The following AAK1 variants were observed in gnomAD, a reference collection of about 807,000 sequenced individuals.
AAK1 encodes AP2 associated kinase 1.
AAK1 carries 37 observed loss-of-function variants against 116.0 expected under a neutral mutation model. That is an observed-to-expected ratio of 0.32 (90% CI 0.25 to 0.42). The LOEUF is 0.42. AAK1 is among the 10% of genes least tolerant of loss of function. AAK1 has a pLI of 1.00. For synonymous variants in AAK1, 458 were observed against 439.9 expected, an observed-to-expected ratio of 1.04 and a Z score of -0.51; for missense variants, 919 against 1,170.6, an observed-to-expected ratio of 0.79 and a Z score of 3.14.
intron 16 of AAK1, chr2:69,500,199 T>C (rs1675915320): frequency 6.6e-6 from 1 of 152,228 alleles, no homozygotes; most frequent in African/African-American, 2.4e-5. Flanking sequence ...AATGATGTCA[T>C]CTTGCCCTTT....
intron 16 of AAK1, among the ~76,000 whole-genome samples, chr2:69,497,856 C>T (rs1198757930): frequency 6.6e-6 from 1 of 152,146 alleles, no homozygotes; most frequent in Non-Finnish European, 1.5e-5. Flanking sequence ...TCACCGACTC[C>T]AGCACAGTAC....
rs760065253 is a variant in AAK1 at position 69,527,265 on chromosome 2, T to C, written c.926A>G (p.Tyr309Cys). The C allele has an allele frequency of 6.2e-7, 1 of 1,610,438 alleles. No individual in the cohort carries two copies. Among genetic ancestry groups the C allele is most frequent in the South Asian group, 1.1e-5 (1 of 90,108 alleles). Residue 309 changes from tyrosine (Y) to cysteine (C), a missense_variant, in exon 9 of 22, where the codon TAC (tyrosine) becomes TGC (cysteine). Physicochemically the swap from Tyr to Cys is radical, Grantham distance 194. Transcript: ENST00000409085. ...TTTCTTGAGTAGCTTAAATGAGAAG[T>C]AGGACACCTGGTAAATATCCGGCCT... ...DKRPDIYQVS[Y>C]FSFKLLKKEC...
chr2:69,589,527 G>A lies in AAK1; in HGVS notation c.164-32549C>T, dbSNP rs531338453. Among the ~76,000 whole-genome samples, 245 of 152,166 alleles carry A rather than the reference G, an allele frequency of 1.6e-3. 8 individuals are homozygous for A. The South Asian group carries it at 0.049, about 30-fold the overall frequency. ...AGTTCGAGACCAGCCTGACCAATAT[G>A]ATGAAACCCTGTCTCTATTAAAAAT... On this transcript the variant is annotated intron_variant, in intron 2 of 21. Transcript: ENST00000409085.
At chr2:69,494,754 T>C (rs1012461312) in intron 17 of AAK1, among the ~76,000 whole-genome samples, 7 of 152,232 alleles carry the variant, frequency 4.6e-5, no homozygotes, top group Non-Finnish European at 7.3e-5. Flanking sequence ...CTACCCTGTA[T>C]TGAATCATTC....
At chr2:69,635,166 T>C (rs957254027) in intron 2 of AAK1, among the ~76,000 whole-genome samples, 7 of 152,156 alleles carry the variant, frequency 4.6e-5, no homozygotes, top group Non-Finnish European at 5.9e-5. Flanking sequence ...CCAAAGAAGA[T>C]ATACAAATAG....
chr2:69,481,630 C>G (rs1675090342), intron 18 of AAK1: 1 of 152,206 alleles, frequency 6.6e-6, no homozygotes. Flanking sequence ...TGATTGGACC[C>G]TCCTGGAGTA....
intron 5 of AAK1, among the ~76,000 whole-genome samples, chr2:69,534,686 C>T (rs1440521170): frequency 6.6e-6 from 1 of 152,238 alleles, no homozygotes; most frequent in Non-Finnish European, 1.5e-5. Context: ...CTGCCAAAGG[C>T]CTTCAGGCCA....
chr2:69,553,880 A>G (rs1671286159), intron 3 of AAK1, among the ~76,000 whole-genome samples: 1 of 151,680 alleles, frequency 6.6e-6, no homozygotes, highest in African/African-American at 2.4e-5. Context: ...GTGTGAGACC[A>G]GCCTGGGCAA....
At chr2:69,568,944 C>T (rs1671986459) in intron 2 of AAK1, among the ~76,000 whole-genome samples, 2 of 152,220 alleles carry the variant, frequency 1.3e-5, no homozygotes, top group Admixed American at 6.5e-5. Flanking sequence ...CCCACCCCAA[C>T]TCCCACCATT....
At chr2:69,573,160 G>A (rs1672157724) in intron 2 of AAK1, among the ~76,000 whole-genome samples, 1 of 152,228 alleles carries the variant, frequency 6.6e-6, no homozygotes, top group South Asian at 2.1e-4. Context: ...GGGCTGGGGA[G>A]GAAGGTGGGT....
chr2:69,552,952 A>C (rs1001695309), intron 3 of AAK1, among the ~76,000 whole-genome samples: 2 of 152,172 alleles, frequency 1.3e-5, no homozygotes, highest in Non-Finnish European at 2.9e-5. Flanking sequence ...GGATGGTTGG[A>C]ATATAGAGGT....
intron 17 of AAK1, among the ~76,000 whole-genome samples, chr2:69,491,454 T>C (rs1675519707): frequency 6.6e-6 from 1 of 152,180 alleles, no homozygotes; most frequent in Non-Finnish European, 1.5e-5. Context: ...ATTTGTTTTA[T>C]AGTGCTTTGA....
intron 3 of AAK1, among the ~76,000 whole-genome samples, chr2:69,553,013 G>C (rs1462957471): frequency 6.6e-6 from 1 of 151,876 alleles, no homozygotes; most frequent in Non-Finnish European, 1.5e-5. Flanking sequence ...AAAAAGAAGG[G>C]AGAAAACAAG....
chr2:69,549,382 T>C (rs1398608231), intron 3 of AAK1, among the ~76,000 whole-genome samples: 1 of 152,042 alleles, frequency 6.6e-6, no homozygotes, highest in Non-Finnish European at 1.5e-5. Flanking sequence ...AATAAATAAA[T>C]AAAAAGTAAA....
intron 2 of AAK1, among the ~76,000 whole-genome samples, chr2:69,641,054 C>T (rs1229307259): frequency 6.6e-6 from 1 of 152,194 alleles, no homozygotes; most frequent in African/African-American, 2.4e-5. Flanking sequence ...TATCACAATA[C>T]GTGATGCGCA....
At chr2:69,541,495 G>C (rs962807889) in intron 5 of AAK1, among the ~76,000 whole-genome samples, 6 of 152,276 alleles carry the variant, frequency 3.9e-5, no homozygotes, top group East Asian at 1.9e-4. Context: ...GCCTCCTGAA[G>C]TGCTGGGATT....
intron 16 of AAK1, among the ~76,000 whole-genome samples, chr2:69,496,359 G>A (rs77675730): frequency 0.021 from 2,636 of 128,218 alleles, 73 homozygotes; most frequent in African/African-American, 0.08. Flanking sequence ...TGAAACCTCC[G>A]CCTCCCGGTT....
intron 2 of AAK1, among the ~76,000 whole-genome samples, chr2:69,611,587 A>AT (rs1284468440): frequency 2.6e-5 from 4 of 152,186 alleles, no homozygotes; most frequent in African/African-American, 7.2e-5. Context: ...TCTCCCTAAT[A>AT]AACTCCCTTT....
chr2:69,518,805 G>T, intron 12 of AAK1, 149 bp downstream of exon 12: 1 of 1,221,862 alleles, frequency 8.2e-7, no homozygotes, highest in Non-Finnish European at 1.1e-6. Context: ...GTGAGTGATG[G>T]ATCCGCTTCT....
Sources: gnomAD v4.1 joint callset for allele counts (sites outside exome capture counted in the v4.1 genomes callset) on GRCh38, gnomAD v4.1.1 for gene constraint, MANE v1.5 for transcripts, NCBI Gene and HGNC (gene_info 2026-07-23, HGNC 2026-07-21) for gene names.